The following CERS6 variants were observed in gnomAD, a reference collection of about 807,000 sequenced individuals.
CERS6 encodes LAG1 homolog, ceramide synthase 6.
In CERS6, 26 loss-of-function variants were observed where a neutral mutation model predicts 56.8. The ratio of observed to expected loss-of-function variants is 0.46; its 90% CI spans 0.34 to 0.63. The LOEUF is 0.63. CERS6 is among the 30% of genes least tolerant of loss of function. The pLI is 0.01. For synonymous variants in CERS6, 164 were observed against 173.3 expected (o/e 0.95, Z 0.42); for missense variants, 415 against 467.5 (o/e 0.89, Z 1.04).
chr2:168,741,932 A>T (rs536353085), intron 8 of CERS6, among the ~76,000 whole-genome samples: 1 of 152,336 alleles, frequency 6.6e-6, no homozygotes, highest in South Asian at 2.1e-4. Flanking sequence ...ATTCATTTCA[A>T]AAAATGAGCA....
intron 8 of CERS6, among the ~76,000 whole-genome samples, chr2:168,751,236 T>A (rs1490017513): frequency 1.3e-5 from 2 of 152,184 alleles, no homozygotes; most frequent in East Asian, 1.9e-4. Flanking sequence ...GTTGTGCCAA[T>A]GAGTTGATCA....
chr2:168,527,420 T>C (rs750741696), intron 1 of CERS6, among the ~76,000 whole-genome samples: 1 of 152,208 alleles, frequency 6.6e-6, no homozygotes, highest in Non-Finnish European at 1.5e-5. Context: ...TTCTTGGTGT[T>C]GTACATTCTG....
chr2:168,704,850 G>A (rs148433982), intron 6 of CERS6, among the ~76,000 whole-genome samples: 2,090 of 152,158 alleles, frequency 0.014, 54 homozygotes, highest in African/African-American at 0.048. Context: ...TGCCTGCCTC[G>A]GCCTCCCAAA....
intron 1 of CERS6, among the ~76,000 whole-genome samples, chr2:168,540,045 C>T (rs1250420191): frequency 6.6e-6 from 1 of 152,152 alleles, no homozygotes; most frequent in African/African-American, 2.4e-5. Flanking sequence ...AGAAGAACTT[C>T]CTTTAGCATA....
At chr2:168,566,792 C>T (rs1326302065) in intron 3 of CERS6, among the ~76,000 whole-genome samples, 1 of 81,870 alleles carries the variant, frequency 1.2e-5, no homozygotes, top group African/African-American at 4.8e-5. Context: ...TAAACAGCCA[C>T]CTACTTGCAA....
At chr2:168,663,733 C>T (rs75348913) in intron 4 of CERS6, among the ~76,000 whole-genome samples, 2,960 of 151,744 alleles carry the variant, frequency 0.02, 99 homozygotes, top group African/African-American at 0.068. Flanking sequence ...GTAGATCCAC[C>T]GTAGGTATTC....
chr2:168,462,318 G>A (rs138004486), intron 1 of CERS6, among the ~76,000 whole-genome samples: 291 of 151,202 alleles, frequency 1.9e-3, no homozygotes, highest in African/African-American at 5.6e-3. Context: ...TTTTCATTTC[G>A]TTTTTTTTAA....
At chr2:168,665,348 T>C (rs1392922627) in intron 4 of CERS6, among the ~76,000 whole-genome samples, 1 of 152,156 alleles carries the variant, frequency 6.6e-6, no homozygotes, top group African/African-American at 2.4e-5. Context: ...CATAAGTTAT[T>C]TAAACATTTA....
At chr2:168,697,218 G>A (rs759165526) in intron 6 of CERS6, among the ~76,000 whole-genome samples, 6 of 152,158 alleles carry the variant, frequency 3.9e-5, no homozygotes, top group Non-Finnish European at 7.4e-5. Flanking sequence ...CTGATTCTCA[G>A]AAGTAGGTGG....
chr2:168,565,376 A>T (rs1046883063), intron 3 of CERS6, among the ~76,000 whole-genome samples: 1 of 152,206 alleles, frequency 6.6e-6, no homozygotes, highest in Admixed American at 6.5e-5. Context: ...ATGGAAAAAA[A>T]TGCCCCAAGT....
chr2:168,578,616 A>C (rs569517139), intron 3 of CERS6, among the ~76,000 whole-genome samples: 2 of 152,326 alleles, frequency 1.3e-5, no homozygotes, highest in African/African-American at 4.8e-5. Context: ...TATAAAAATA[A>C]GAGAGAAAGG....
At chr2:168,696,714 C>G (rs1686656430) in intron 6 of CERS6, among the ~76,000 whole-genome samples, 1 of 152,192 alleles carries the variant, frequency 6.6e-6, no homozygotes, top group Non-Finnish European at 1.5e-5. Context: ...GGCAAGACAG[C>G]TCTATGAGGC....
intron 1 of CERS6, among the ~76,000 whole-genome samples, chr2:168,493,574 C>G (rs539169823): frequency 1.2e-4 from 19 of 152,306 alleles, no homozygotes; most frequent in South Asian, 2.1e-4. Context: ...TGGATCTTAC[C>G]TGCTAGCCAG....
rs748977396 is a variant in CERS6 at position 168,771,133 on chromosome 2, A to G, written c.*1471A>G. On this transcript the variant is annotated 3_prime_UTR_variant, in exon 10 of 10. Transcript: ENST00000305747. ...GAACCCCAAACAAAAATGCCATAAT[A>G]TAAATGTGTGAATCAGGGCTGTGAA... The G allele has an allele frequency of 4.6e-5, 7 of 152,244 alleles. No individual in the cohort carries two copies. The highest frequency in any genetic ancestry group is 1.0e-4 in the Non-Finnish European group (7 of 68,054). 9.4% of individuals were successfully genotyped at this position (152,244 alleles called of 1,614,324 possible).
At chr2:168,679,153 C>T (rs1686145982) in intron 4 of CERS6, among the ~76,000 whole-genome samples, 1 of 151,830 alleles carries the variant, frequency 6.6e-6, no homozygotes, top group African/African-American at 2.4e-5. Flanking sequence ...GCAGAGATTA[C>T]AGCAGTAGTT....
chr2:168,610,471 T>A (rs991891135), intron 3 of CERS6, among the ~76,000 whole-genome samples: 2 of 152,186 alleles, frequency 1.3e-5, no homozygotes, highest in African/African-American at 4.8e-5. Context: ...TGAATGGCCA[T>A]CCAGTTGTTA....
chr2:168,657,169 C>T (rs528462037), intron 4 of CERS6, among the ~76,000 whole-genome samples: 1 of 152,224 alleles, frequency 6.6e-6, no homozygotes, highest in Non-Finnish European at 1.5e-5. Flanking sequence ...GAGCTAAACA[C>T]AGGGTGCTGA....
At chr2:168,735,340 G>T (rs1683678309) in intron 8 of CERS6, among the ~76,000 whole-genome samples, 1 of 151,914 alleles carries the variant, frequency 6.6e-6, no homozygotes, top group Non-Finnish European at 1.5e-5. Flanking sequence ...GTTAATGGTA[G>T]ATTTAGGCCT....
In CERS6 at chr2:168,725,130, C is replaced by T. The variant is rs190350270; in HGVS notation, c.845+7152C>T. 7.2e-3 allele frequency among the ~76,000 whole-genome samples: 1,092 copies of T among 152,374 alleles called. 11 individuals carry two copies. The highest frequency in any genetic ancestry group is 0.024 in the African/African-American group (1,019 of 41,596). On this transcript the variant is annotated intron_variant, in intron 8 of 9. Coordinates refer to ENST00000305747, the MANE Select transcript of CERS6 (RefSeq NM_203463.3). ...GGAGACCCAGTACACCCTCCGCAGC[C>T]GCTGGCCCGGGTGCTAAGCCCCTCA...
Sources: gnomAD v4.1 joint callset for allele counts (sites outside exome capture counted in the v4.1 genomes callset) on GRCh38, gnomAD v4.1.1 for gene constraint, MANE v1.5 for transcripts, NCBI Gene and HGNC (gene_info 2026-07-23, HGNC 2026-07-21) for gene names.